DOCK4: variants seen among roughly 807,000 people sequenced by gnomAD.
DOCK4 encodes the protein dedicator of cytokinesis protein 4.
In DOCK4, 97 loss-of-function variants were observed where a neutral mutation model predicts 268.1. That is an observed-to-expected ratio of 0.36 (90% CI 0.31 to 0.43). The LOEUF (loss-of-function observed/expected upper bound fraction) is 0.43. Among genes scored for constraint, DOCK4 ranks in the 20% least tolerant of loss-of-function variants. The pLI is 1.00. For missense variants in DOCK4, 2,145 were observed against 2,455.7 expected (o/e 0.87, Z 2.67); for synonymous variants, 954 against 887.2 (o/e 1.08, Z -1.34).
chr7:111,734,153 C>T (rs982608310), intron 51 of DOCK4, among the ~76,000 whole-genome samples: 1 of 151,764 alleles, frequency 6.6e-6, no homozygotes, highest in African/African-American at 2.4e-5. Flanking sequence ...GTTGTACAGG[C>T]TTCTCTCAAA....
chr7:111,854,009 C>T (rs1447343188), intron 23 of DOCK4, among the ~76,000 whole-genome samples: 1 of 151,888 alleles, frequency 6.6e-6, no homozygotes, highest in Non-Finnish European at 1.5e-5. Flanking sequence ...TCTCGGCTCA[C>T]TGCAACCTCC....
At chr7:111,883,436 T>G (rs1247016586) in intron 16 of DOCK4, among the ~76,000 whole-genome samples, 1 of 152,158 alleles carries the variant, frequency 6.6e-6, no homozygotes, top group Admixed American at 6.6e-5. Context: ...TTTCCAGGCC[T>G]CCTCCTCAGG....
intron 1 of DOCK4, among the ~76,000 whole-genome samples, chr7:112,026,475 C>G (rs2135435694): frequency 6.6e-6 from 1 of 152,318 alleles, no homozygotes; most frequent in Admixed American, 6.5e-5. Context: ...TTGGGGACCG[C>G]TGCCCTAAAA....
intron 1 of DOCK4, among the ~76,000 whole-genome samples, chr7:112,088,718 G>A (rs973002416): frequency 6.6e-6 from 1 of 152,096 alleles, no homozygotes; most frequent in Non-Finnish European, 1.5e-5. Flanking sequence ...GAGCCTTATG[G>A]TGAACATCAA....
chr7:112,039,373 T>TGGG (rs35222499), intron 1 of DOCK4, among the ~76,000 whole-genome samples: 37 of 122,354 alleles, frequency 3.0e-4, no homozygotes, highest in African/African-American at 1.0e-3. Flanking sequence ...GGATTTCATA[T>TGGG]GGGGGGGGGG....
chr7:111,736,804 G>T, intron 50 of DOCK4, 113 bp downstream of exon 50: 2 of 915,548 alleles, frequency 2.2e-6, no homozygotes, highest in Non-Finnish European at 3.5e-6. Flanking sequence ...TACTAGTCCT[G>T]ATCATTAAAG....
chr7:112,080,284 C>T (rs572549697), intron 1 of DOCK4, among the ~76,000 whole-genome samples: 25 of 152,134 alleles, frequency 1.6e-4, no homozygotes, highest in Admixed American at 1.4e-3. Context: ...CCTACTTATA[C>T]TAAAAATCTA....
At chr7:111,743,776 C>T (rs1796088545) in intron 44 of DOCK4, among the ~76,000 whole-genome samples, 1 of 152,160 alleles carries the variant, frequency 6.6e-6, no homozygotes, top group Non-Finnish European at 1.5e-5. Context: ...CTGTCAGCTA[C>T]TGCCAAACCC....
rs1794710826 is a variant in DOCK4 at position 111,727,331 on chromosome 7, T to G, written c.*943A>C. 1 of 152,614 alleles carries G rather than the reference T, an allele frequency of 6.6e-6. No homozygotes were observed. Among genetic ancestry groups the G allele is most frequent in the African/African-American group, 2.4e-5 (1 of 41,452 alleles). The allele number at this position is 152,614 out of a possible 1,614,324, so 9.5% of individuals were successfully genotyped here. A position where few individuals can be genotyped will look rare whatever the true frequency, so the allele number is the denominator to read the frequency against. On this transcript the variant is annotated 3_prime_UTR_variant, in exon 53 of 53. Coordinates refer to ENST00000428084, the MANE Select transcript of DOCK4 (RefSeq NM_001363540.2). Reference sequence around the variant, plus strand: ...TGCCTTTTATAAGTCCTTTTGCCATTTAATCGTGCTAATACATTTTCACTA... The same window carrying G: ...TGCCTTTTATAAGTCCTTTTGCCATGTAATCGTGCTAATACATTTTCACTA...
intron 7 of DOCK4, among the ~76,000 whole-genome samples, chr7:111,983,309 T>G (rs2135167235): frequency 6.6e-6 from 1 of 152,292 alleles, no homozygotes; most frequent in East Asian, 1.9e-4. Flanking sequence ...GAATATCTCA[T>G]TATTCTCAGA....
chr7:111,914,679 C>A (rs549079517), intron 13 of DOCK4, among the ~76,000 whole-genome samples: 7 of 152,156 alleles, frequency 4.6e-5, no homozygotes, highest in East Asian at 3.9e-4. Flanking sequence ...TTCTTACCTA[C>A]CACAAATCTC....
chr7:111,871,364 C>T (rs553703269), intron 20 of DOCK4, among the ~76,000 whole-genome samples: 110 of 152,310 alleles, frequency 7.2e-4, no homozygotes, highest in African/African-American at 2.5e-3. Context: ...TGAGAGGAGG[C>T]AGGCACTAGC....
chr7:112,008,815 G>A (rs528001636), intron 1 of DOCK4, among the ~76,000 whole-genome samples: 26 of 152,288 alleles, frequency 1.7e-4, no homozygotes, highest in Admixed American at 5.9e-4. Flanking sequence ...CTAACATGGC[G>A]AAACCCCGTC....
At chr7:111,755,335 G>T (rs1796950304) in intron 42 of DOCK4, among the ~76,000 whole-genome samples, 180 bp downstream of exon 42, 1 of 152,064 alleles carries the variant, frequency 6.6e-6, no homozygotes, top group Non-Finnish European at 1.5e-5. Flanking sequence ...GACACATTAG[G>T]ATAATATTAA....
At chr7:111,934,532 T>TTG (rs1476870390) in intron 12 of DOCK4, among the ~76,000 whole-genome samples, 66 of 141,488 alleles carry the variant, frequency 4.7e-4, no homozygotes, top group South Asian at 2.3e-3. Flanking sequence ...TGTTTTTTTT[T>TTG]TTTTTTTTTT....
chr7:111,891,536 C>G (rs1014241018), intron 16 of DOCK4, among the ~76,000 whole-genome samples: 2 of 152,152 alleles, frequency 1.3e-5, no homozygotes, highest in Admixed American at 6.5e-5. Context: ...ATATTTTAAG[C>G]AATCTGCAGT....
At chr7:111,887,664 T>C (rs1003619529) in intron 16 of DOCK4, among the ~76,000 whole-genome samples, 18 of 151,162 alleles carry the variant, frequency 1.2e-4, no homozygotes, top group African/African-American at 3.9e-4. Flanking sequence ...GCAATGAGGA[T>C]GTGAGGAAGC....
Position 111,760,227 on chromosome 7 carries a change from C to T in DOCK4, c.4116G>A (p.Gln1372=). 1 of 1,613,986 alleles carries T rather than the reference C, an allele frequency of 6.2e-7. No individual in the cohort carries two copies. Among genetic ancestry groups the T allele is most frequent in the East Asian group, 2.2e-5 (1 of 44,886 alleles). ...TGGTCTCATCGGGCTGGTTGGCGTG[C>T]TGCATGGCGATGGCATGGGGGAACT... ...LNEFPHAIAM[Q]HANQPDETIF... is the part of the protein sequence containing the mutation. Residue 1372 remains glutamine (Q), a synonymous_variant, in exon 40 of 53, where the codon CAG becomes CAA. Coordinates refer to ENST00000428084, the MANE Select transcript of DOCK4 (RefSeq NM_001363540.2).
chr7:111,784,075 C>T (rs1176406747), intron 33 of DOCK4, 22 bp downstream of exon 33: 1 of 1,580,436 alleles, frequency 6.3e-7, no homozygotes, highest in African/African-American at 1.3e-5. Flanking sequence ...ACAAGTAGCA[C>T]AATTTGCAAA....
Sources: gnomAD v4.1 joint callset for allele counts (sites outside exome capture counted in the v4.1 genomes callset) on GRCh38, gnomAD v4.1.1 for gene constraint, MANE v1.5 for transcripts, NCBI Gene and HGNC (gene_info 2026-07-23, HGNC 2026-07-21) for gene names.